Variants in SF3B4 observed in about 807,000 individuals in gnomAD.
The protein encoded by SF3B4 is splicing factor 3b subunit 4.
Under a neutral mutation model 34.3 loss-of-function variants are expected in SF3B4, and 3 were observed. That is an observed-to-expected ratio of 0.09 (90% CI 0.04 to 0.23). SF3B4 has a LOEUF of 0.23. Among genes scored for constraint, SF3B4 ranks in the 10% least tolerant of loss-of-function variants. The pLI is 1.00. For missense variants in SF3B4, 283 were observed against 567.2 expected (o/e 0.50, Z 5.09); for synonymous variants, 216 against 207.8 (o/e 1.04, Z -0.34).
rs985394122 is a variant in SF3B4 at position 149,927,633 on chromosome 1, G to A, written c.34+93C>T. 6 of 1,480,342 alleles carry A rather than the reference G, an allele frequency of 4.1e-6. No homozygotes were observed. The African/African-American group carries it at 7.0e-5, about 17-fold the overall frequency. The allele number at this position is 1,480,342 out of a possible 1,614,324, so 91.7% of individuals were successfully genotyped here. A position where few individuals can be genotyped will look rare whatever the true frequency, so the allele number is the denominator to read the frequency against. On this transcript the variant is annotated intron_variant, in intron 1 of 5. Transcript: ENST00000271628. ...CTCGCGCCCTCTGGGGAAGGGAGGA[G>A]TCCAGTCTCCCACCCCTGCAGAGAC...
At position 149,927,153 on chromosome 1, in the gene SF3B4, G is replaced by C; in HGVS notation, c.163+13C>G. ...ACCCTCCGGGAGCAATTCGCCCCTT[G>C]TCATGTACTCACCTTGGTGCTGGCC... is the stretch of plus-strand genomic sequence containing the variant. On this transcript the variant is annotated intron_variant, in intron 2 of 5. Transcript: ENST00000271628. 6.2e-7 allele frequency: 1 copy of C among 1,613,200 alleles called. No individual in the cohort carries two copies. The highest frequency in any genetic ancestry group is 8.5e-7 in the Non-Finnish European group (1 of 1,179,954).
At chr1:149,925,320 A>G (rs1463677893) in intron 4 of SF3B4, among the ~76,000 whole-genome samples, 7 of 152,196 alleles carry the variant, frequency 4.6e-5, no homozygotes, top group African/African-American at 1.4e-4. Flanking sequence ...AGGCATCAGT[A>G]TATACCCAAT....
intron 1 of SF3B4, 186 bp from the exon 2 acceptor site, chr1:149,927,480 T>C: frequency 1.3e-6 from 1 of 761,420 alleles, no homozygotes; most frequent in South Asian, 1.9e-5. Flanking sequence ...TGAAGTCTAA[T>C]TTAGTATTGT....
intron 2 of SF3B4, 51 bp downstream of exon 2, chr1:149,927,115 G>A: frequency 6.2e-7 from 1 of 1,600,108 alleles, no homozygotes; most frequent in Non-Finnish European, 8.5e-7. Context: ...AAACAGTTGT[G>A]AATACTGCTG....
chr1:149,926,612 G>A lies in SF3B4; in HGVS notation c.470C>T (p.Ala157Val), dbSNP rs1553766063. Residue 157 changes from alanine to valine, a missense_variant, in exon 3 of 6, where the codon GCA becomes GTA. This residue lies in a region of SF3B4 where 35 missense variants were observed against 111.9 expected (regional missense o/e 0.31). Transcript: ENST00000271628. The surrounding 1 kb of genome is among the most constrained non-coding windows in gnomAD (Gnocchi z 6.2). ...INFASFDASD[A>V]AIEAMNGQYL... Reference sequence around the variant, plus strand: ...CTGCCCATTCATGGCTTCAATTGCTGCATCCGAAGCATCAAATGAAGCAAA... The same window carrying A: ...CTGCCCATTCATGGCTTCAATTGCTACATCCGAAGCATCAAATGAAGCAAA... The A allele has an allele frequency of 6.2e-7, 1 of 1,614,188 alleles. No individual in the cohort carries two copies. The highest frequency in any genetic ancestry group is 1.1e-5 in the South Asian group (1 of 91,086).
In SF3B4 at chr1:149,926,978, AATTCATCT is replaced by A. The variant is rs2092593673; in HGVS notation, c.164-68_164-61del. On this transcript the variant is annotated intron_variant, in intron 2 of 5. Coordinates refer to ENST00000271628, the MANE Select transcript of SF3B4 (RefSeq NM_005850.5). The surrounding 1 kb of genome is among the most constrained non-coding windows in gnomAD (Gnocchi z 6.2). ...AGTAAAGAGACTGAAAATGGGGTAA[AATTCATCT>A]ACCCTCTAATCACAAAGAACAAGAA... The A allele has an allele frequency of 6.7e-7, 1 of 1,499,728 alleles. No homozygotes were observed. The highest frequency in any genetic ancestry group is 9.0e-7 in the Non-Finnish European group (1 of 1,113,654). 92.9% of individuals were successfully genotyped at this position (1,499,728 alleles called of 1,614,324 possible). A position where few individuals can be genotyped will look rare whatever the true frequency, so the allele number is the denominator to read the frequency against.
rs782709908 is a variant in SF3B4, at chr1:149,925,972, T to TGGG, written c.774_776dup (p.Pro259dup). The TGGG allele has an allele frequency of 1.7e-5, 25 of 1,505,448 alleles. No individual in the cohort carries two copies. Among genetic ancestry groups the TGGG allele is most frequent in the Non-Finnish European group, 2.1e-5 (24 of 1,121,306 alleles). 93.3% of individuals were successfully genotyped at this position (1,505,448 alleles called of 1,614,324 possible). ...GAGGCATAGGTGGTGGGGGCATGGCTGGGGGTATCCCAGGTGGGAGGGCTC... is the reference window on the plus strand; with the variant it reads ...GAGGCATAGGTGGTGGGGGCATGGCTGGGGGGGGTATCCCAGGTGGGAGGGCTC... On this transcript the variant is annotated inframe_insertion, in exon 4 of 6. Coordinates refer to ENST00000271628, the MANE Select transcript of SF3B4 (RefSeq NM_005850.5).
At chr1:149,927,086 G>C (rs782353230) in intron 2 of SF3B4, 80 bp downstream of exon 2, 12 of 1,558,122 alleles carry the variant, frequency 7.7e-6, no homozygotes, top group Non-Finnish European at 1.0e-5. Context: ...AAAATCTTTA[G>C]GTTGCTCATG....
At chr1:149,927,596 CAG>C in intron 1 of SF3B4, 128 bp downstream of exon 1, 2 of 1,248,204 alleles carry the variant, frequency 1.6e-6, no homozygotes, top group East Asian at 5.1e-5. Context: ...CCCCAACAGG[CAG>C]AGGGCCGGTC....
At chr1:149,925,772 G>T in intron 4 of SF3B4, 64 bp downstream of exon 4, 2 of 1,194,676 alleles carry the variant, frequency 1.7e-6, no homozygotes, top group Non-Finnish European at 2.5e-6. Context: ...AGGGCAGCAG[G>T]GTGAGTGGTA....
Position 149,927,009 on chromosome 1 carries a change from G to A in SF3B4, c.164-91C>T. ...TCTACCCTCTAATCACAAAGAACAA[G>A]AAAGAAACAACATCACTTTACTTAA... On this transcript the variant is annotated intron_variant, in intron 2 of 5. Transcript: ENST00000271628. 16 of 1,462,296 alleles carry A rather than the reference G, an allele frequency of 1.1e-5. No individual in the cohort carries two copies. The South Asian group carries it at 1.9e-4, about 17-fold the overall frequency. 90.6% of individuals were successfully genotyped at this position (1,462,296 alleles called of 1,614,324 possible).
intron 4 of SF3B4, among the ~76,000 whole-genome samples, chr1:149,924,521 A>G (rs72692808): frequency 0.049 from 7,406 of 152,266 alleles, 217 homozygotes; most frequent in Non-Finnish European, 0.073. Context: ...CAACCAATCA[A>G]CCAATTACTC....
intron 1 of SF3B4, 46 bp from the exon 2 acceptor site, chr1:149,927,340 A>T: frequency 6.2e-7 from 1 of 1,603,094 alleles, no homozygotes; most frequent in Non-Finnish European, 8.5e-7. Flanking sequence ...GTGTAACGGG[A>T]AGGAAGGAAG....
chr1:149,924,401 C>A (rs1357076460), intron 4 of SF3B4, among the ~76,000 whole-genome samples: 1 of 152,102 alleles, frequency 6.6e-6, no homozygotes, highest in Non-Finnish European at 1.5e-5. Context: ...TACGCCACTG[C>A]ACTCCAGCCT....
chr1:149,927,626 G>C (rs782109374), intron 1 of SF3B4, 100 bp downstream of exon 1: 56 of 1,455,740 alleles, frequency 3.8e-5, no homozygotes, highest in Non-Finnish European at 5.2e-5. Flanking sequence ...CTCTGGGGAA[G>C]GGAGGAGTCC....
chr1:149,927,482 T>G, intron 1 of SF3B4, 188 bp from the exon 2 acceptor site: 1 of 761,386 alleles, frequency 1.3e-6, no homozygotes, highest in Non-Finnish European at 2.1e-6. Flanking sequence ...AAGTCTAATT[T>G]AGTATTGTGA....
At chr1:149,924,041 G>A in intron 4 of SF3B4, 27 bp from the exon 5 acceptor site, 1 of 1,495,626 alleles carries the variant, frequency 6.7e-7, no homozygotes, top group Non-Finnish European at 8.9e-7. Context: ...GACACAAGAA[G>A]AAAAGAGACA....
In SF3B4 at chr1:149,923,428, G is replaced by C; in HGVS notation, c.*114C>G. 1 of 733,722 alleles carries C rather than the reference G, an allele frequency of 1.4e-6. No homozygotes were observed. Among genetic ancestry groups the C allele is most frequent in the Non-Finnish European group, 2.2e-6 (1 of 461,058 alleles). 45.5% of individuals were successfully genotyped at this position (733,722 alleles called of 1,614,324 possible). A position where few individuals can be genotyped will look rare whatever the true frequency, so the allele number is the denominator to read the frequency against. ...GTTACATTAAAAAGGGGAATGGAGT[G>C]GGGGTGCTGAAAGGGATTAGTACCT... On this transcript the variant is annotated 3_prime_UTR_variant, in exon 6 of 6. Transcript: ENST00000271628.
At chr1:149,923,780 C>A (rs1198332089) in intron 5 of SF3B4, 51 bp from the exon 6 acceptor site, 1 of 1,523,702 alleles carries the variant, frequency 6.6e-7, no homozygotes, top group Non-Finnish European at 8.8e-7. Context: ...AGGGGTGTGC[C>A]TACAGGAAGC....
Sources: allele counts gnomAD v4.1 joint callset (sites outside exome capture counted in the v4.1 genomes callset), GRCh38; gene constraint gnomAD v4.1.1; regional missense constraint gnomAD v4.1.1; non-coding constraint Gnocchi (gnomAD v3.1); transcripts MANE v1.5; gene names NCBI Gene and HGNC (gene_info 2026-07-23, HGNC 2026-07-21).